Variants in NSD2 observed in about 807,000 individuals in gnomAD.
NSD2 encodes the protein nuclear receptor binding SET domain protein 2, also known as histone-lysine N-methyltransferase NSD2.
Under a neutral mutation model 139.0 loss-of-function variants are expected in NSD2, and 12 were observed. That is an observed-to-expected ratio of 0.09 (90% CI 0.06 to 0.14). The LOEUF (loss-of-function observed/expected upper bound fraction) is 0.14, where lower values mean the gene tolerates loss of function less well. NSD2 is among the 10% of genes least tolerant of loss of function. NSD2 has a pLI of 1.00. For missense variants in NSD2, 1,155 were observed against 1,745.0 expected (o/e 0.66, Z 6.02); for synonymous variants, 669 against 648.7 (o/e 1.03, Z -0.48).
intron 21 of NSD2, among the ~76,000 whole-genome samples, chr4:1,977,006 C>T (rs1302150101): frequency 4.6e-5 from 7 of 152,226 alleles, no homozygotes; most frequent in African/African-American, 1.4e-4. Flanking sequence ...AAGGAGGCGA[C>T]GCTGGGAACT....
Position 1,956,669 on chromosome 4 carries a change from C to A in NSD2, c.2881+481C>A, listed in dbSNP as rs1481463524. 2.0e-5 allele frequency among the ~76,000 whole-genome samples: 3 copies of A among 152,044 alleles called. No homozygotes were observed. The highest frequency in any genetic ancestry group is 4.8e-5 in the African/African-American group (2 of 41,394). On this transcript the variant is annotated intron_variant, in intron 15 of 21. Coordinates refer to ENST00000508803, the MANE Select transcript of NSD2 (RefSeq NM_001042424.3). This position sits in a 1 kb window ranked among gnomAD's most constrained non-coding sequence, Gnocchi z 5.3. ...TGTGGCATGGCTGGCTGATGACCCA[C>A]GTTTGAGGGAGGCAGGATGGGGATG...
At chr4:1,873,179 G>A (rs969351819) in intron 1 of NSD2, among the ~76,000 whole-genome samples, 1 of 152,184 alleles carries the variant, frequency 6.6e-6, no homozygotes, top group Admixed American at 6.5e-5. Flanking sequence ...GGTAGAGTGA[G>A]GACTTACTGC....
chr4:1,879,194 ACAC>A lies in NSD2; in HGVS notation c.-30+7653_-30+7655del, dbSNP rs1714520154. Among the ~76,000 whole-genome samples the A allele has an allele frequency of 3.3e-5, 5 of 152,114 alleles. No individual in the cohort carries two copies. The South Asian group carries it at 1.0e-3, about 32-fold the overall frequency. On this transcript the variant is annotated intron_variant, in intron 1 of 21. Transcript: ENST00000508803. ...ATGTGTATATATGTAAATATATACA[ACAC>A]TTTTTAAAATTATTTTATTTTATTT... is the stretch of plus-strand genomic sequence containing the variant.
chr4:1,888,396 G>C (rs1383856449), intron 1 of NSD2, among the ~76,000 whole-genome samples: 1 of 105,704 alleles, frequency 9.5e-6, no homozygotes, highest in Non-Finnish European at 1.7e-5. Flanking sequence ...CTGGGTGACA[G>C]AGCGAGATTG....
intron 21 of NSD2, among the ~76,000 whole-genome samples, chr4:1,978,061 A>C (rs1486626232): frequency 6.6e-6 from 1 of 151,952 alleles, no homozygotes; most frequent in Non-Finnish European, 1.5e-5. Flanking sequence ...CAAGAGACGG[A>C]GGCTGCAGTG....
intron 7 of NSD2, 34 bp from the exon 8 acceptor site, chr4:1,938,417 T>TC (rs1560706751): frequency 5.3e-6 from 1 of 190,302 alleles, no homozygotes; most frequent in Non-Finnish European, 9.0e-6. Context: ...TTTTTCTTTC[T>TC]TTTTTTTTTT....
intron 18 of NSD2, among the ~76,000 whole-genome samples, chr4:1,963,376 G>C (rs752913010): frequency 6.6e-6 from 1 of 152,140 alleles, no homozygotes. Flanking sequence ...GAGGGTTTTA[G>C]CCCTAGGGAA....
intron 3 of NSD2, among the ~76,000 whole-genome samples, chr4:1,912,735 AGTT>A (rs1718847039): frequency 6.6e-6 from 1 of 152,034 alleles, no homozygotes; most frequent in Non-Finnish European, 1.5e-5. Flanking sequence ...TTTGTAAAAA[AGTT>A]GTTTTCTCTC....
chr4:1,976,342 C>A lies in NSD2; in HGVS notation c.3622-133C>A. 1 of 945,624 alleles carries A rather than the reference C, an allele frequency of 1.1e-6. No homozygotes were observed. The highest frequency in any genetic ancestry group is 1.6e-5 in the South Asian group (1 of 60,740). 58.6% of individuals were successfully genotyped at this position (945,624 alleles called of 1,614,324 possible). ...GTCTGGGGAGCACGAGGAGGACACTCCTCTCCTCTCCTCTTAGTGTTGGGC... is the reference window on the plus strand; with the variant it reads ...GTCTGGGGAGCACGAGGAGGACACTACTCTCCTCTCCTCTTAGTGTTGGGC... On this transcript the variant is annotated intron_variant, in intron 20 of 21. Coordinates refer to ENST00000508803, the MANE Select transcript of NSD2 (RefSeq NM_001042424.3). The surrounding 1 kb of genome is among the most constrained non-coding windows in gnomAD (Gnocchi z 5.3).
Position 1,904,392 on chromosome 4 carries a change from T to C in NSD2, c.760+14T>C. The C allele has an allele frequency of 6.3e-7, 1 of 1,591,606 alleles. No homozygotes were observed. Among genetic ancestry groups the C allele is most frequent in the East Asian group, 2.3e-5 (1 of 44,370 alleles). ...CCAAACTTAAAGGTATTGTGTTCTT[T>C]GGGTTGTTTTTCCAACTTTCTCTTC... On this transcript the variant is annotated intron_variant, in intron 3 of 21. Coordinates refer to ENST00000508803, the MANE Select transcript of NSD2 (RefSeq NM_001042424.3).
At chr4:1,895,712 G>A (rs548921223) in intron 1 of NSD2, among the ~76,000 whole-genome samples, 1 of 152,144 alleles carries the variant, frequency 6.6e-6, no homozygotes, top group Non-Finnish European at 1.5e-5. Flanking sequence ...GGGAGAGGGG[G>A]GCTCCCCATG....
At chr4:1,968,928 A>G (rs1726155582) in intron 18 of NSD2, among the ~76,000 whole-genome samples, 1 of 152,272 alleles carries the variant, frequency 6.6e-6, no homozygotes, top group Non-Finnish European at 1.5e-5. Flanking sequence ...CTGGTAGCAG[A>G]TGGCAGCTGC....
rs1727576046 is a variant in NSD2 at position 1,979,822 on chromosome 4, G to A, written c.*913G>A. The A allele has an allele frequency of 4.3e-6, 1 of 232,480 alleles. No homozygotes were observed. The highest frequency in any genetic ancestry group is 2.2e-5 in the African/African-American group (1 of 45,294). The allele number at this position is 232,480 out of a possible 1,614,324, so 14.4% of individuals were successfully genotyped here. A position where few individuals can be genotyped will look rare whatever the true frequency, so the allele number is the denominator to read the frequency against. On this transcript the variant is annotated 3_prime_UTR_variant, in exon 22 of 22. Transcript: ENST00000508803. Reference sequence around the variant, plus strand: ...CCACCGACTGAAGTGTGTGTTTACTGATGCGGCCCTGAGCTCCATGGCGAA... The same window carrying A: ...CCACCGACTGAAGTGTGTGTTTACTAATGCGGCCCTGAGCTCCATGGCGAA...
chr4:1,917,539 C>T (rs1430378490), intron 4 of NSD2, among the ~76,000 whole-genome samples: 8 of 152,182 alleles, frequency 5.3e-5, no homozygotes, highest in African/African-American at 1.7e-4. Flanking sequence ...CGGGTTCAAG[C>T]GATTCTCCTG....
chr4:1,891,869 A>C (rs1471668983), intron 1 of NSD2, among the ~76,000 whole-genome samples: 6 of 151,108 alleles, frequency 4.0e-5, no homozygotes, highest in Admixed American at 1.3e-4. Flanking sequence ...AAAAAAAAAA[A>C]AACAAAAAAA....
chr4:1,979,029 A>G lies in NSD2; in HGVS notation c.*120A>G, dbSNP rs1727465165. ...GCTCGAGCCGCCAGGACACAGACGT[A>G]CAGGCCTCCTCGGGAGGGAGCGCCT... On this transcript the variant is annotated 3_prime_UTR_variant, in exon 22 of 22. Transcript: ENST00000508803. The G allele has an allele frequency of 7.7e-7, 1 of 1,307,178 alleles. No homozygotes were observed. The highest frequency in any genetic ancestry group is 1.0e-6 in the Non-Finnish European group (1 of 990,808). The allele number at this position is 1,307,178 out of a possible 1,614,324, so 81.0% of individuals were successfully genotyped here. A position where few individuals can be genotyped will look rare whatever the true frequency, so the allele number is the denominator to read the frequency against.
chr4:1,953,567 G>A, intron 12 of NSD2, 43 bp downstream of exon 12: 1 of 1,552,696 alleles, frequency 6.4e-7, no homozygotes, highest in East Asian at 2.2e-5. Flanking sequence ...TTCAGATGCA[G>A]GCCAGACGCA....
intron 11 of NSD2, chr4:1,953,077 T>G: frequency 6.8e-7 from 1 of 1,471,396 alleles, no homozygotes; most frequent in Non-Finnish European, 9.0e-7. Context: ...CCAGCCAGGC[T>G]GCCTAGTAAG....
chr4:1,972,651 TG>T lies in NSD2; in HGVS notation c.3373-2210del, dbSNP rs1437909234. Among the ~76,000 whole-genome samples, 3 of 152,186 alleles carry T rather than the reference TG, an allele frequency of 2.0e-5. No homozygotes were observed. The highest frequency in any genetic ancestry group is 4.4e-5 in the Non-Finnish European group (3 of 68,024). On this transcript the variant is annotated intron_variant, in intron 18 of 21. Coordinates refer to ENST00000508803, the MANE Select transcript of NSD2 (RefSeq NM_001042424.3). The surrounding 1 kb of genome is among the most constrained non-coding windows in gnomAD (Gnocchi z 4.0). ...ACCACTTATAAAGGCCAATTCCAGA[TG>T]GATTGAACAGCTAGGAGTGGGGGAG...
Sources: gnomAD v4.1 joint callset for allele counts (sites outside exome capture counted in the v4.1 genomes callset) on GRCh38, gnomAD v4.1.1 for gene constraint, Gnocchi (gnomAD v3.1) non-coding constraint, MANE v1.5 for transcripts, NCBI Gene and HGNC (gene_info 2026-07-23, HGNC 2026-07-21) for gene names.